ARL15: variants seen among roughly 807,000 people sequenced by gnomAD.
ARL15 encodes ARF like GTPase 15.
In ARL15, 19 loss-of-function variants were observed where a neutral mutation model predicts 25.2. That is an observed-to-expected ratio of 0.75 (90% confidence interval 0.53 to 1.10). ARL15 has a LOEUF of 1.10. ARL15 is among the 50% of genes least tolerant of loss of function. The pLI is 0.00. For missense variants in ARL15, 220 were observed against 246.0 expected (o/e 0.89, Z 0.71); for synonymous variants, 94 against 86.8 (o/e 1.08, Z -0.46).
intron 4 of ARL15, among the ~76,000 whole-genome samples, chr5:53,979,056 C>T (rs200638695): frequency 6.6e-6 from 1 of 152,170 alleles, no homozygotes; most frequent in East Asian, 1.9e-4. Flanking sequence ...TCTCATTTTA[C>T]TCTGTGGGTC....
chr5:54,112,677 G>A (rs1752775744), intron 4 of ARL15, among the ~76,000 whole-genome samples: 1 of 152,064 alleles, frequency 6.6e-6, no homozygotes, highest in African/African-American at 2.4e-5. Context: ...AAAATTAAAT[G>A]AGGAAGATAA....
At chr5:54,049,507 C>T (rs551357409) in intron 4 of ARL15, among the ~76,000 whole-genome samples, 1 of 152,228 alleles carries the variant, frequency 6.6e-6, no homozygotes, top group South Asian at 2.1e-4. Context: ...AGTAAATATC[C>T]AATTTTTCCT....
chr5:54,290,385 C>T (rs995176607), intron 1 of ARL15, among the ~76,000 whole-genome samples: 42 of 151,420 alleles, frequency 2.8e-4, no homozygotes, highest in Admixed American at 2.0e-3. Flanking sequence ...TCGCTGCAAC[C>T]TCTGCCCACC....
intron 2 of ARL15, among the ~76,000 whole-genome samples, chr5:54,158,374 C>T (rs1013947634): frequency 8.5e-5 from 13 of 152,250 alleles, no homozygotes; most frequent in Admixed American, 5.9e-4. Context: ...GTGATTTTCA[C>T]AATTGTAACT....
At chr5:54,208,397 C>T (rs187954696) in intron 1 of ARL15, among the ~76,000 whole-genome samples, 81 of 152,026 alleles carry the variant, frequency 5.3e-4, no homozygotes, top group African/African-American at 1.9e-3. Flanking sequence ...TATATACATG[C>T]ACATGCGCAC....
chr5:54,301,142 C>T (rs1447427273), intron 1 of ARL15, among the ~76,000 whole-genome samples: 4 of 152,214 alleles, frequency 2.6e-5, no homozygotes, highest in African/African-American at 7.2e-5. Flanking sequence ...CTACTCTAGC[C>T]GTCTTTATTT....
chr5:54,096,456 C>T (rs927651773), intron 4 of ARL15, among the ~76,000 whole-genome samples: 1 of 152,198 alleles, frequency 6.6e-6, no homozygotes, highest in Non-Finnish European at 1.5e-5. Flanking sequence ...TCCCGTCACC[C>T]AGGCTGGAGT....
intron 1 of ARL15, among the ~76,000 whole-genome samples, chr5:54,215,442 C>T (rs1756167392): frequency 6.6e-6 from 1 of 152,114 alleles, no homozygotes; most frequent in African/African-American, 2.4e-5. Context: ...CCTGTAACAC[C>T]ATCTGGATAT....
chr5:54,163,867 A>T (rs1260698475), intron 2 of ARL15, among the ~76,000 whole-genome samples: 1 of 151,908 alleles, frequency 6.6e-6, no homozygotes, highest in Non-Finnish European at 1.5e-5. Context: ...TGGTTTTACT[A>T]ATTTTCTCTA....
intron 1 of ARL15, among the ~76,000 whole-genome samples, chr5:54,226,659 A>T (rs1756526134): frequency 6.6e-6 from 1 of 151,686 alleles, no homozygotes; most frequent in South Asian, 2.1e-4. Context: ...AGTCTAAGTT[A>T]TTAAAAAAAA....
intron 2 of ARL15, among the ~76,000 whole-genome samples, chr5:54,156,439 G>C (rs1367579245): frequency 6.6e-6 from 1 of 152,178 alleles, no homozygotes; most frequent in Non-Finnish European, 1.5e-5. Flanking sequence ...TACACCATAA[G>C]CATATAATAT....
intron 4 of ARL15, among the ~76,000 whole-genome samples, chr5:53,943,531 T>C (rs1341479953): frequency 6.6e-6 from 1 of 152,130 alleles, no homozygotes; most frequent in African/African-American, 2.4e-5. Flanking sequence ...GTATTGCTGG[T>C]TTTTCCTTCT....
intron 4 of ARL15, among the ~76,000 whole-genome samples, chr5:54,014,390 C>T (rs927888218): frequency 1.3e-5 from 2 of 152,210 alleles, no homozygotes; most frequent in African/African-American, 4.8e-5. Context: ...CTGAGCAGAC[C>T]CAAAGAGAAC....
Position 54,274,214 on chromosome 5 carries a change from C to T in ARL15, c.48+36218G>A, listed in dbSNP as rs187936766. 1.2e-4 allele frequency among the ~76,000 whole-genome samples: 18 copies of T among 152,224 alleles called. No individual in the cohort carries two copies. The East Asian group carries it at 2.5e-3, about 21-fold the overall frequency. ...GGTTTAGGGGCAGCAAGAGAGTCGG[C>T]TGACGCTGGGTCAGACTCAACCAGA... is the stretch of plus-strand genomic sequence containing the variant. On this transcript the variant is annotated intron_variant, in intron 1 of 4. Transcript: ENST00000504924.
intron 3 of ARL15, among the ~76,000 whole-genome samples, chr5:54,144,155 T>A (rs700911): frequency 0.2 from 30,888 of 151,898 alleles, 3,890 homozygotes; most frequent in East Asian, 0.68. Flanking sequence ...GTATGGTTAT[T>A]TTCTTATTAA....
At chr5:54,090,759 C>T (rs1378121543) in intron 4 of ARL15, among the ~76,000 whole-genome samples, 1 of 152,000 alleles carries the variant, frequency 6.6e-6, no homozygotes, top group African/African-American at 2.4e-5. Flanking sequence ...CCTTGGAATG[C>T]TAAGGAAAAG....
At chr5:54,189,241 C>T (rs1398744727) in intron 1 of ARL15, among the ~76,000 whole-genome samples, 1 of 152,106 alleles carries the variant, frequency 6.6e-6, no homozygotes, top group African/African-American at 2.4e-5. Context: ...GTCAACACTA[C>T]CCAAATGGAT....
intron 1 of ARL15, among the ~76,000 whole-genome samples, chr5:54,233,614 G>A (rs1048686033): frequency 6.6e-6 from 1 of 152,200 alleles, no homozygotes; most frequent in Non-Finnish European, 1.5e-5. Context: ...GTCCAAGAGA[G>A]ACTACTGGCT....
At chr5:53,943,397 G>A (rs1746611717) in intron 4 of ARL15, among the ~76,000 whole-genome samples, 1 of 152,140 alleles carries the variant, frequency 6.6e-6, no homozygotes, top group African/African-American at 2.4e-5. Flanking sequence ...GGATACTGAA[G>A]GTTTGAGAGA....
Sources: gnomAD v4.1 joint callset for allele counts (sites outside exome capture counted in the v4.1 genomes callset) on GRCh38, gnomAD v4.1.1 for gene constraint, MANE v1.5 for transcripts, NCBI Gene and HGNC (gene_info 2026-07-23, HGNC 2026-07-21) for gene names.